Variants in KCNQ5 observed in about 807,000 individuals in gnomAD.
The protein encoded by KCNQ5 is potassium voltage-gated channel subfamily Q member 5, also known as potassium voltage-gated channel subfamily KQT member 5.
Under a neutral mutation model 98.2 loss-of-function variants are expected in KCNQ5, and 30 were observed. The ratio of observed to expected loss-of-function variants is 0.31; its 90% CI spans 0.23 to 0.41. The LOEUF is 0.41. Ranked by LOEUF, KCNQ5 falls within the 10% of genes least tolerant of loss-of-function variation. KCNQ5 has a pLI of 1.00. For synonymous variants in KCNQ5, 458 were observed against 449.4 expected (o/e 1.02, Z -0.24); for missense variants, 835 against 1,182.5 (o/e 0.71, Z 4.31).
chr6:72,753,963 G>A (rs113614094), intron 1 of KCNQ5, among the ~76,000 whole-genome samples: 2 of 152,082 alleles, frequency 1.3e-5, no homozygotes, highest in African/African-American at 4.8e-5. Context: ...CAATCATGTG[G>A]TCTCCAAATA....
At chr6:72,923,783 G>A (rs574600474) in intron 1 of KCNQ5, among the ~76,000 whole-genome samples, 2 of 152,170 alleles carry the variant, frequency 1.3e-5, no homozygotes, top group African/African-American at 2.4e-5. Context: ...ACTTATAAGT[G>A]AGAACACACA....
intron 10 of KCNQ5, among the ~76,000 whole-genome samples, chr6:73,140,949 C>T (rs1776680086): frequency 6.6e-6 from 1 of 152,208 alleles, no homozygotes; most frequent in Non-Finnish European, 1.5e-5. Flanking sequence ...CCCCTAAGAT[C>T]TGCTTCTCCT....
chr6:73,056,661 T>C (rs1455432246), intron 3 of KCNQ5, among the ~76,000 whole-genome samples: 2 of 152,200 alleles, frequency 1.3e-5, no homozygotes, highest in African/African-American at 2.4e-5. Context: ...TTCTGAATCA[T>C]GTTGCAGTTG....
At chr6:73,130,595 C>CA (rs907385961) in intron 9 of KCNQ5, among the ~76,000 whole-genome samples, 4 of 150,852 alleles carry the variant, frequency 2.7e-5, no homozygotes, top group African/African-American at 7.3e-5. Context: ...TAGATGTCAC[C>CA]AAAAAAAAGG....
intron 3 of KCNQ5, among the ~76,000 whole-genome samples, chr6:73,051,705 C>CAAAAAAA (rs201199934): frequency 1.4e-4 from 14 of 97,168 alleles, no homozygotes; most frequent in African/African-American, 5.4e-4. Context: ...AAGATAGAGG[C>CAAAAAAA]AAAAAAAAAA....
chr6:73,174,935 C>T (rs1778156439), intron 11 of KCNQ5, among the ~76,000 whole-genome samples: 1 of 152,226 alleles, frequency 6.6e-6, no homozygotes, highest in Non-Finnish European at 1.5e-5. Context: ...CCGTCCTCTG[C>T]TCTGGGTCAG....
intron 10 of KCNQ5, among the ~76,000 whole-genome samples, chr6:73,164,210 C>A (rs1034750377): frequency 6.6e-6 from 1 of 151,926 alleles, no homozygotes; most frequent in Non-Finnish European, 1.5e-5. Flanking sequence ...AAGAACCTAC[C>A]GAAGACATTA....
intron 1 of KCNQ5, among the ~76,000 whole-genome samples, chr6:72,648,645 G>A (rs558900117): frequency 2.7e-5 from 4 of 150,924 alleles, no homozygotes; most frequent in African/African-American, 9.7e-5. Context: ...ATATGGAGGG[G>A]GAAAAAGAGA....
chr6:72,784,188 C>A (rs1179855148), intron 1 of KCNQ5, among the ~76,000 whole-genome samples: 1 of 152,138 alleles, frequency 6.6e-6, no homozygotes, highest in Admixed American at 6.5e-5. Flanking sequence ...TTGGAGAGAG[C>A]ATGATCAAGA....
intron 11 of KCNQ5, among the ~76,000 whole-genome samples, chr6:73,176,707 GA>G (rs1582491273): frequency 6.6e-6 from 1 of 152,164 alleles, no homozygotes; most frequent in African/African-American, 2.4e-5. Flanking sequence ...AGGATGGAGG[GA>G]AAGAACAGGA....
intron 10 of KCNQ5, 196 bp downstream of exon 10, chr6:73,133,837 C>T: frequency 1.4e-6 from 1 of 718,114 alleles, no homozygotes; most frequent in Non-Finnish European, 2.6e-6. Flanking sequence ...TTTTGGAAAC[C>T]ACTTTGGCAG....
At chr6:72,785,973 T>G (rs1246585373) in intron 1 of KCNQ5, among the ~76,000 whole-genome samples, 1 of 152,158 alleles carries the variant, frequency 6.6e-6, no homozygotes, top group Non-Finnish European at 1.5e-5. Flanking sequence ...AGACATATAA[T>G]AGGAGCCCCA....
At chr6:72,973,920 A>G (rs1051250251) in intron 1 of KCNQ5, among the ~76,000 whole-genome samples, 1 of 152,186 alleles carries the variant, frequency 6.6e-6, no homozygotes, top group Non-Finnish European at 1.5e-5. Context: ...AACTTTTCCC[A>G]CATTTTAAAT....
At chr6:72,944,354 C>A (rs940285305) in intron 1 of KCNQ5, among the ~76,000 whole-genome samples, 3 of 152,008 alleles carry the variant, frequency 2.0e-5, no homozygotes, top group African/African-American at 7.3e-5. Context: ...ATTTCATGCA[C>A]CAGAGTGTCA....
At chr6:72,759,857 T>C in intron 1 of KCNQ5, among the ~76,000 whole-genome samples, 1 of 151,984 alleles carries the variant, frequency 6.6e-6, no homozygotes, top group Admixed American at 6.6e-5. Context: ...CACATACACA[T>C]GCATGCACAC....
At chr6:73,008,597 T>C (rs1769922839) in intron 2 of KCNQ5, among the ~76,000 whole-genome samples, 2 of 151,964 alleles carry the variant, frequency 1.3e-5, no homozygotes, top group African/African-American at 4.8e-5. Flanking sequence ...TAATAACAGG[T>C]AATAAAATAC....
chr6:72,672,262 T>C (rs1225224945), intron 1 of KCNQ5, among the ~76,000 whole-genome samples: 1 of 151,994 alleles, frequency 6.6e-6, no homozygotes, highest in Non-Finnish European at 1.5e-5. Flanking sequence ...CACGCCTGGC[T>C]AATTTTTGTA....
At chr6:73,107,988 T>C (rs1044219346) in intron 6 of KCNQ5, among the ~76,000 whole-genome samples, 1 of 152,206 alleles carries the variant, frequency 6.6e-6, no homozygotes, top group South Asian at 2.1e-4. Context: ...AGTTGTCTGA[T>C]TGAAATTTAG....
intron 3 of KCNQ5, among the ~76,000 whole-genome samples, chr6:73,061,938 T>A (rs1351595259): frequency 6.6e-6 from 1 of 152,170 alleles, no homozygotes; most frequent in Non-Finnish European, 1.5e-5. Context: ...CATCTTTGTA[T>A]GTTTTTGTTT....
Sources: gnomAD v4.1 joint callset for allele counts (sites outside exome capture counted in the v4.1 genomes callset) on GRCh38, gnomAD v4.1.1 for gene constraint, MANE v1.5 for transcripts, NCBI Gene and HGNC (gene_info 2026-07-23, HGNC 2026-07-21) for gene names.